Variants in PCDHA6 observed in about 807,000 individuals in gnomAD.
The protein encoded by PCDHA6 is protocadherin alpha 6.
Under a neutral mutation model 60.3 loss-of-function variants are expected in PCDHA6, and 55 were observed. The ratio of observed to expected loss-of-function variants is 0.91; its 90% CI spans 0.73 to 1.14. The LOEUF is 1.14. Among genes scored for constraint, PCDHA6 ranks in the 50% most tolerant of loss-of-function variants. The probability of loss-of-function intolerance (pLI) is 0.00; values close to 1 mark genes in which losing one functional copy is unlikely to be tolerated. For missense variants in PCDHA6, 1,327 were observed against 1,256.5 expected (o/e 1.06, Z -0.85); for synonymous variants, 652 against 557.9 (o/e 1.17, Z -2.38).
chr5:140,986,011 T>A (rs1172713730), intron 3 of PCDHA6, among the ~76,000 whole-genome samples: 1 of 152,184 alleles, frequency 6.6e-6, no homozygotes, highest in Non-Finnish European at 1.5e-5. Flanking sequence ...AGTGCTGGGA[T>A]TACAGGCGTG....
intron 3 of PCDHA6, among the ~76,000 whole-genome samples, chr5:140,993,758 T>C (rs1205942777): frequency 6.6e-6 from 1 of 152,226 alleles, no homozygotes; most frequent in Non-Finnish European, 1.5e-5. Flanking sequence ...GCCATTATAT[T>C]ACAATTGCGC....
chr5:140,875,335 C>T (rs1380813312), intron 1 of PCDHA6: 3 of 1,438,650 alleles, frequency 2.1e-6, no homozygotes, highest in African/African-American at 2.9e-5. Context: ...GGAATAGGAT[C>T]GACTCCATAA....
intron 1 of PCDHA6, chr5:140,967,870 G>C (rs782622860): frequency 1.2e-6 from 2 of 1,614,152 alleles, no homozygotes; most frequent in Admixed American, 3.3e-5. Context: ...TGGTGCTCAC[G>C]GACCTGTATA....
intron 1 of PCDHA6, chr5:140,834,658 G>T (rs1554134403): frequency 6.2e-7 from 1 of 1,614,242 alleles, no homozygotes; most frequent in South Asian, 1.1e-5. Context: ...CGGATCGACC[G>T]CGAGGAGCTG....
rs114972611 is a variant in PCDHA6, at chr5:140,834,172, G to T, written c.2394+3687G>T. The T allele has an allele frequency of 2.1e-3, 1,163 of 551,264 alleles. 13 individuals carry two copies. Among genetic ancestry groups the T allele is most frequent in the African/African-American group, 0.016 (867 of 53,444 alleles). The allele number at this position is 551,264 out of a possible 1,614,324, so 34.1% of individuals were successfully genotyped here. ...AATGGTTTGTAATTCTTACTTACAT[G>T]ATGGCCACATGATGTCGCTCTTTAC... On this transcript the variant is annotated intron_variant, in intron 1 of 3. Transcript: ENST00000529310.
intron 1 of PCDHA6, among the ~76,000 whole-genome samples, chr5:140,974,029 A>G (rs2096612369): frequency 6.6e-6 from 1 of 152,238 alleles, no homozygotes; most frequent in Admixed American, 6.5e-5. Flanking sequence ...ACAACTATAA[A>G]TTTAGCTTAT....
intron 1 of PCDHA6, chr5:140,851,591 T>C: frequency 1.1e-6 from 1 of 917,932 alleles, no homozygotes. Context: ...TTTTTTGAAA[T>C]TCAGTTTACA....
At chr5:140,851,660 T>G in intron 1 of PCDHA6, 1 of 914,450 alleles carries the variant, frequency 1.1e-6, no homozygotes, top group African/African-American at 1.8e-5. Flanking sequence ...GACATTCTCC[T>G]TTTAATTGAA....
intron 1 of PCDHA6, chr5:140,857,836 G>T: frequency 6.3e-7 from 1 of 1,597,926 alleles, no homozygotes; most frequent in Non-Finnish European, 8.6e-7. Context: ...TGCGCGCAGT[G>T]GACGCTGACT....
chr5:140,840,024 G>A (rs1776520218), intron 1 of PCDHA6, among the ~76,000 whole-genome samples: 2 of 152,172 alleles, frequency 1.3e-5, no homozygotes, highest in Middle Eastern at 3.4e-3. Context: ...TCATGGTCAC[G>A]TAGCGTATCT....
At chr5:140,967,669 G>T (rs782398219) in intron 1 of PCDHA6, 1 of 1,614,126 alleles carries the variant, frequency 6.2e-7, no homozygotes, top group Non-Finnish European at 8.5e-7. Context: ...GCTACACGTC[G>T]GACCGGGAGA....
At chr5:140,884,014 G>A (rs1582743653) in intron 1 of PCDHA6, 1 of 1,613,168 alleles carries the variant, frequency 6.2e-7, no homozygotes, top group Non-Finnish European at 8.5e-7. Context: ...AGCTGATGCC[G>A]CGGTCGGTGG....
chr5:140,917,327 G>C (rs1219338384), intron 1 of PCDHA6, among the ~76,000 whole-genome samples: 1 of 149,420 alleles, frequency 6.7e-6, no homozygotes, highest in African/African-American at 2.5e-5. Flanking sequence ...CATGTGGCGG[G>C]GGAGGGGGGG....
At chr5:140,893,381 A>G (rs755671273) in intron 1 of PCDHA6, among the ~76,000 whole-genome samples, 11 of 152,190 alleles carry the variant, frequency 7.2e-5, no homozygotes, top group Non-Finnish European at 1.6e-4. Context: ...TTTATGGGAC[A>G]GTGGCTCATG....
chr5:140,871,344 G>A (rs533115257), intron 1 of PCDHA6: 1 of 1,614,200 alleles, frequency 6.2e-7, no homozygotes, highest in African/African-American at 1.3e-5. Flanking sequence ...TGGGGAGCTG[G>A]TCATACTCGC....
At chr5:140,921,961 C>T (rs528457864) in intron 1 of PCDHA6, among the ~76,000 whole-genome samples, 88 of 151,252 alleles carry the variant, frequency 5.8e-4, no homozygotes, top group Non-Finnish European at 9.1e-4. Context: ...TCCCAGAAAA[C>T]CAAAGGAAAA....
In PCDHA6 at chr5:140,833,781, T is replaced by C. The variant is rs143295216; in HGVS notation, c.2394+3296T>C. Among the ~76,000 whole-genome samples the C allele has an allele frequency of 2.8e-3, 433 of 152,262 alleles. 2 individuals carry two copies. The highest frequency in any genetic ancestry group is 0.01 in the African/African-American group (417 of 41,552). On this transcript the variant is annotated intron_variant, in intron 1 of 3. Transcript: ENST00000529310. ...ACACACACACACCGCTTTCTAAGTT[T>C]CTCTTTCATCAATCAGTAGATTCTT...
In PCDHA6 at chr5:140,928,350, T is replaced by C. The variant is rs144619371; in HGVS notation, c.2395-50599T>C. The C allele has an allele frequency of 1.3e-5, 21 of 1,614,098 alleles. No homozygotes were observed. The African/African-American group carries it at 2.1e-4, about 16-fold the overall frequency. On this transcript the variant is annotated intron_variant, in intron 1 of 3. Coordinates refer to ENST00000529310, the MANE Select transcript of PCDHA6 (RefSeq NM_018909.4). ...GCCTTGTCTCTTATGAGCTGTTGGA[T>C]GTTATCTCTGAAGGGCCATCAGCCT...
chr5:140,927,939 A>G (rs782391525), intron 1 of PCDHA6: 1 of 1,614,234 alleles, frequency 6.2e-7, no homozygotes, highest in Non-Finnish European at 8.5e-7. Flanking sequence ...CGAACCCAGT[A>G]CCTGAGGACG....
Sources: gnomAD v4.1 joint callset for allele counts (sites outside exome capture counted in the v4.1 genomes callset) on GRCh38, gnomAD v4.1.1 for gene constraint, MANE v1.5 for transcripts, NCBI Gene and HGNC (gene_info 2026-07-23, HGNC 2026-07-21) for gene names.